DNAH6: variants seen among roughly 807,000 people sequenced by gnomAD.
The protein encoded by DNAH6 is dynein axonemal heavy chain 6, also known as axonemal beta dynein heavy chain 6.
In DNAH6, 340 loss-of-function variants were observed where a neutral mutation model predicts 491.4. The ratio of observed to expected loss-of-function variants is 0.69; its 90% CI spans 0.63 to 0.76. The LOEUF is 0.76. Ranked by LOEUF, DNAH6 falls within the 30% of genes least tolerant of loss-of-function variation. DNAH6 has a pLI of 0.00. For missense variants in DNAH6, 4,443 were observed against 4,972.2 expected (o/e 0.89, Z 3.20); for synonymous variants, 1,603 against 1,686.1 (o/e 0.95, Z 1.21).
chr2:84,707,014 G>A lies in DNAH6; in HGVS notation c.8846G>A (p.Ser2949Asn), dbSNP rs1199986247. Reference protein sequence around the residue: ...EYDKGVNEKESLAKTMALTKA... With the variant: ...EYDKGVNEKENLAKTMALTKA... ...GACAAAGGTGTAAATGAAAAAGAAAGCCTGGGTAAGTAACTCATAAAATTT... is the reference window on the plus strand; with the variant it reads ...GACAAAGGTGTAAATGAAAAAGAAAACCTGGGTAAGTAACTCATAAAATTT... Residue 2949 changes from serine (S) to asparagine (N), a missense_variant, in exon 53 of 77, where the codon AGC becomes AAC. Ser to Asn is a conservative substitution (Grantham distance 46, BLOSUM62 1). Transcript: ENST00000389394. 1 of 1,510,738 alleles carries A rather than the reference G, an allele frequency of 6.6e-7. No individual in the cohort carries two copies. The allele number at this position is 1,510,738 out of a possible 1,614,324, so 93.6% of individuals were successfully genotyped here. A position where few individuals can be genotyped will look rare whatever the true frequency, so the allele number is the denominator to read the frequency against.
At chr2:84,764,225 TG>T (rs59819666) in intron 64 of DNAH6, among the ~76,000 whole-genome samples, 3,897 of 152,286 alleles carry the variant, frequency 0.026, 134 homozygotes, top group African/African-American at 0.085. Context: ...CATTTGCCTT[TG>T]GTTCTGAAAT....
intron 9 of DNAH6, among the ~76,000 whole-genome samples, chr2:84,552,627 T>C (rs1010773545): frequency 2.0e-5 from 3 of 152,202 alleles, no homozygotes; most frequent in Non-Finnish European, 4.4e-5. Context: ...TCAAATATTA[T>C]CAACTTTCTA....
chr2:84,465,222 G>A, the DNAH6 span, among the ~76,000 whole-genome samples: 4 of 152,198 alleles, frequency 2.6e-5, no homozygotes, highest in Admixed American at 6.5e-5. Flanking sequence ...CAGGCTGGGC[G>A]TGGTGGCTAA....
intron 18 of DNAH6, among the ~76,000 whole-genome samples, chr2:84,598,930 T>C (rs4832101): frequency 0.82 from 124,352 of 151,098 alleles, 53,136 homozygotes; most frequent in East Asian, 0.99. Context: ...CCTGGGAGGC[T>C]GAGGCAGGAG....
chr2:84,589,275 C>A (rs1683866678), intron 16 of DNAH6, among the ~76,000 whole-genome samples: 1 of 152,142 alleles, frequency 6.6e-6, no homozygotes, highest in African/African-American at 2.4e-5. Context: ...CCACACTATC[C>A]TTTCTTAAGT....
intron 52 of DNAH6, among the ~76,000 whole-genome samples, chr2:84,706,461 C>T (rs776062113): frequency 5.3e-5 from 8 of 151,994 alleles, no homozygotes; most frequent in Non-Finnish European, 1.0e-4. Context: ...ATGTAAAAAC[C>T]ATTCTTAGCT....
At chr2:84,470,467 A>C in the DNAH6 span, among the ~76,000 whole-genome samples, 1 of 152,158 alleles carries the variant, frequency 6.6e-6, no homozygotes, top group Non-Finnish European at 1.5e-5. Flanking sequence ...AGCTTGGGTT[A>C]TTCCTGATTC....
At chr2:84,677,227 A>G (rs1238535734) in intron 41 of DNAH6, 91 bp downstream of exon 41, 9 of 1,490,056 alleles carry the variant, frequency 6.0e-6, no homozygotes, top group Middle Eastern at 1.7e-4. Flanking sequence ...TTGTGTTTCT[A>G]AGGAGTCCAT....
intron 70 of DNAH6, among the ~76,000 whole-genome samples, chr2:84,799,970 G>A (rs1051321736): frequency 2.6e-5 from 4 of 152,176 alleles, no homozygotes; most frequent in East Asian, 1.9e-4. Context: ...TGAGTTGGAG[G>A]AGCATGCTTC....
chr2:84,469,817 G>A, the DNAH6 span, among the ~76,000 whole-genome samples: 1 of 152,172 alleles, frequency 6.6e-6, no homozygotes, highest in South Asian at 2.1e-4. The surrounding 1 kb of genome is among the most constrained non-coding windows in gnomAD (Gnocchi z 4.0). Context: ...AAAGAGAATA[G>A]CATTTAACAT....
chr2:84,700,279 C>T (rs1401324589), intron 48 of DNAH6, among the ~76,000 whole-genome samples: 1 of 152,186 alleles, frequency 6.6e-6, no homozygotes, highest in Non-Finnish European at 1.5e-5. Flanking sequence ...AAAGAAGGGG[C>T]TGACCTGGTC....
intron 11 of DNAH6, among the ~76,000 whole-genome samples, chr2:84,567,341 G>A (rs955464342): frequency 1.3e-5 from 2 of 152,134 alleles, no homozygotes; most frequent in Non-Finnish European, 2.9e-5. Context: ...AGCCTGTATA[G>A]CCAAGACAAT....
chr2:84,615,393 A>G (rs1686753997), intron 22 of DNAH6, among the ~76,000 whole-genome samples: 1 of 152,018 alleles, frequency 6.6e-6, no homozygotes, highest in Non-Finnish European at 1.5e-5. Flanking sequence ...ATTGGTCTAT[A>G]TGCCTATTTT....
chr2:84,759,205 A>G (rs1444747131), intron 63 of DNAH6, among the ~76,000 whole-genome samples: 1 of 150,640 alleles, frequency 6.6e-6, no homozygotes, highest in Non-Finnish European at 1.5e-5. Flanking sequence ...TATAATAGCT[A>G]CCAAAAAAAA....
chr2:84,596,818 G>A (rs942379246), intron 18 of DNAH6, among the ~76,000 whole-genome samples: 2 of 152,038 alleles, frequency 1.3e-5, no homozygotes, highest in African/African-American at 4.8e-5. Flanking sequence ...AGTTGTTTAG[G>A]TCAGCTTCTT....
chr2:84,662,547 G>T (rs551146458), intron 37 of DNAH6, among the ~76,000 whole-genome samples: 1 of 152,344 alleles, frequency 6.6e-6, no homozygotes, highest in East Asian at 1.9e-4. Flanking sequence ...CAGCAGCAAG[G>T]CTGGGGGAGG....
At chr2:84,631,189 G>C (rs1688365104) in intron 29 of DNAH6, among the ~76,000 whole-genome samples, 1 of 152,142 alleles carries the variant, frequency 6.6e-6, no homozygotes, top group South Asian at 2.1e-4. Flanking sequence ...AGGTCACGAT[G>C]CATCCATTAT....
the DNAH6 span, among the ~76,000 whole-genome samples, chr2:84,497,978 C>G: frequency 6.6e-6 from 1 of 152,216 alleles, no homozygotes; most frequent in African/African-American, 2.4e-5. Context: ...TTGGCCCTTC[C>G]CAGCCCTTCC....
intron 37 of DNAH6, among the ~76,000 whole-genome samples, 168 bp downstream of exon 37, chr2:84,659,337 T>A (rs1691263151): frequency 6.6e-6 from 1 of 152,134 alleles, no homozygotes; most frequent in South Asian, 2.1e-4. Flanking sequence ...TCATATTTTT[T>A]AAGTTAGGAG....
Sources: allele counts gnomAD v4.1 joint callset (sites outside exome capture counted in the v4.1 genomes callset), GRCh38; gene constraint gnomAD v4.1.1; non-coding constraint Gnocchi (gnomAD v3.1); transcripts MANE v1.5; gene names NCBI Gene and HGNC (gene_info 2026-07-23, HGNC 2026-07-21).